The following DNMT1 variants were observed in gnomAD, a reference collection of about 807,000 sequenced individuals.
The protein encoded by DNMT1 is DNA methyltransferase 1, also known as DNA (cytosine-5)-methyltransferase 1.
In DNMT1, 24 loss-of-function variants were observed where a neutral mutation model predicts 205.3. The ratio of observed to expected loss-of-function variants is 0.12; its 90% CI spans 0.08 to 0.16. The LOEUF (loss-of-function observed/expected upper bound fraction) is 0.16. DNMT1 is among the 10% of genes least tolerant of loss of function. DNMT1 has a pLI of 1.00. For missense variants in DNMT1, 1,293 were observed against 2,177.7 expected, an observed-to-expected ratio of 0.59 and a Z score of 8.09; for synonymous variants, 817 against 839.8, an observed-to-expected ratio of 0.97 and a Z score of 0.47.
Position 10,183,125 on chromosome 19 carries a change from AT to A in DNMT1, c.81-1049del, listed in dbSNP as rs201154797. Reference sequence around the variant, plus strand: ...TATATACGTGTGTATATATATATATATTTTTTTTTTTTGAGATAGGGTTTTG... The same window carrying A: ...TATATACGTGTGTATATATATATATATTTTTTTTTTTGAGATAGGGTTTTG... On this transcript the variant is annotated intron_variant, in intron 1 of 40. Coordinates refer to ENST00000359526, the MANE Select transcript of DNMT1 (RefSeq NM_001130823.3). 8.0e-3 allele frequency among the ~76,000 whole-genome samples: 942 copies of A among 117,234 alleles called. 10 individuals are homozygous for A. The highest frequency in any genetic ancestry group is 0.026 in the African/African-American group (768 of 29,494). The allele number at this position is 117,234 out of a possible 152,430, so 76.9% of individuals were successfully genotyped here. A position where few individuals can be genotyped will look rare whatever the true frequency, so the allele number is the denominator to read the frequency against.
chr19:10,137,464 AG>A lies in DNMT1; in HGVS notation c.4294-185del, dbSNP rs1249870988. The stretch of plus-strand genomic sequence containing the variant: ...CCACGGCAGGGACCTGAGGCAGCGC[AG>A]GTGTAGGAGAGCGTGGGAATCTAAG... On this transcript the variant is annotated intron_variant, in intron 36 of 40. Coordinates refer to ENST00000359526, the MANE Select transcript of DNMT1 (RefSeq NM_001130823.3). The surrounding 1 kb of genome is among the most constrained non-coding windows in gnomAD (Gnocchi z 6.4). 1 of 720,524 alleles carries A rather than the reference AG, an allele frequency of 1.4e-6. No individual in the cohort carries two copies. The highest frequency in any genetic ancestry group is 2.3e-6 in the Non-Finnish European group (1 of 438,832). The allele number at this position is 720,524 out of a possible 1,614,324, so 44.6% of individuals were successfully genotyped here. A position where few individuals can be genotyped will look rare whatever the true frequency, so the allele number is the denominator to read the frequency against.
At chr19:10,191,456 T>A (rs538895092) in intron 1 of DNMT1, among the ~76,000 whole-genome samples, 1 of 151,372 alleles carries the variant, frequency 6.6e-6, no homozygotes, top group Non-Finnish European at 1.5e-5. Flanking sequence ...AAAACTCCAA[T>A]GCCTACAGTG....
chr19:10,151,617 A>C lies in DNMT1; in HGVS notation c.2118-72T>G, dbSNP rs1476659195. On this transcript the variant is annotated intron_variant, in intron 23 of 40. Coordinates refer to ENST00000359526, the MANE Select transcript of DNMT1 (RefSeq NM_001130823.3). The surrounding 1 kb of genome is among the most constrained non-coding windows in gnomAD (Gnocchi z 5.0). ...CAACCGGGGCTGTTTTCTTCATAAC[A>C]GGGACAGGTCCTGAGACAATGCCTA... The C allele has an allele frequency of 2.5e-6, 4 of 1,611,122 alleles. No homozygotes were observed. The highest frequency in any genetic ancestry group is 2.5e-6 in the Non-Finnish European group (3 of 1,179,316).
chr19:10,140,516 C>G lies in DNMT1; in HGVS notation c.3524-188G>C. The G allele has an allele frequency of 1.1e-6, 1 of 926,256 alleles. No homozygotes were observed. Among genetic ancestry groups the G allele is most frequent in the African/African-American group, 1.7e-5 (1 of 60,372 alleles). The allele number at this position is 926,256 out of a possible 1,614,324, so 57.4% of individuals were successfully genotyped here. A position where few individuals can be genotyped will look rare whatever the true frequency, so the allele number is the denominator to read the frequency against. Reference sequence around the variant, plus strand: ...TCCTGAGTAGCTGGGACTACAGGCACACACCACCACGCCCAGCTAATTTTT... The same window carrying G: ...TCCTGAGTAGCTGGGACTACAGGCAGACACCACCACGCCCAGCTAATTTTT... On this transcript the variant is annotated intron_variant, in intron 32 of 40. Transcript: ENST00000359526. This position sits in a 1 kb window ranked among gnomAD's most constrained non-coding sequence, Gnocchi z 8.4.
At position 10,140,155 on chromosome 19, in the gene DNMT1, C is replaced by T; in HGVS notation, c.3697G>A (p.Val1233Met). Reference sequence around the variant, plus strand: ...GGCGGCCCGCCGCACAGCATCTCCACGTCTCCCTTCTGGGGCAGCCGCTGG... The same window carrying T: ...GGCGGCCCGCCGCACAGCATCTCCATGTCTCCCTTCTGGGGCAGCCGCTGG... ...RGQRLPQKGD[V>M]EMLCGGPPCQ... is the part of the protein sequence containing the mutation. Residue 1233 changes from valine to methionine, a missense_variant, in exon 33 of 41, where the codon GTG (valine) becomes ATG (methionine). Physicochemically the swap from Val to Met is conservative, Grantham distance 21 (BLOSUM62 1). This residue lies in a region of DNMT1 where 24 missense variants were observed against 27.2 expected (regional missense o/e 0.88). Transcript: ENST00000359526. This position sits in a 1 kb window ranked among gnomAD's most constrained non-coding sequence, Gnocchi z 8.4. The T allele has an allele frequency of 1.2e-6, 2 of 1,613,918 alleles. No individual in the cohort carries two copies. Among genetic ancestry groups the T allele is most frequent in the Non-Finnish European group, 1.7e-6 (2 of 1,180,026 alleles).
intron 11 of DNMT1, among the ~76,000 whole-genome samples, chr19:10,164,173 T>C (rs1299829633): frequency 6.6e-6 from 1 of 151,910 alleles, no homozygotes; most frequent in East Asian, 1.9e-4. Flanking sequence ...GAGAGAGAGA[T>C]TGATTCACTC....
chr19:10,189,701 G>A (rs1024214954), intron 1 of DNMT1, among the ~76,000 whole-genome samples: 1 of 152,032 alleles, frequency 6.6e-6, no homozygotes, highest in Non-Finnish European at 1.5e-5. Flanking sequence ...TTACAGGCAT[G>A]AGCCACTGCA....
intron 8 of DNMT1, 36 bp from the exon 9 acceptor site, chr19:10,173,210 TGCC>T: frequency 6.2e-7 from 1 of 1,608,172 alleles, no homozygotes. Context: ...CAAGTGTGAG[TGCC>T]AGGAGCTTCC....
chr19:10,188,264 G>A (rs1212030582), intron 1 of DNMT1, among the ~76,000 whole-genome samples: 1 of 152,188 alleles, frequency 6.6e-6, no homozygotes, highest in Non-Finnish European at 1.5e-5. Flanking sequence ...GACCCACTGG[G>A]CACAGTGGCT....
Position 10,146,545 on chromosome 19 carries a change from GAA to G in DNMT1, c.2721-23_2721-22del. ...AGAATCTGAAGGAAACAAAGGGACA[GAA>G]ACATAAGGCCCTGAGGTGGCCGGCA... On this transcript the variant is annotated intron_variant, in intron 27 of 40. Transcript: ENST00000359526. The surrounding 1 kb of genome is among the most constrained non-coding windows in gnomAD (Gnocchi z 4.4). 6.2e-7 allele frequency: 1 copy of G among 1,613,734 alleles called. No individual in the cohort carries two copies.
intron 30 of DNMT1, chr19:10,141,585 G>A (rs540856209): frequency 4.3e-5 from 15 of 345,736 alleles, no homozygotes; most frequent in Non-Finnish European, 7.7e-5. Flanking sequence ...CAGCTGACTC[G>A]TGGGCCCTCT....
chr19:10,150,669 C>G (rs2038321168), intron 24 of DNMT1, among the ~76,000 whole-genome samples: 2 of 152,244 alleles, frequency 1.3e-5, no homozygotes, highest in Admixed American at 6.5e-5. Context: ...TCACTCCTCT[C>G]TCTCACACTG....
At chr19:10,172,405 C>CA (rs34495234) in intron 9 of DNMT1, among the ~76,000 whole-genome samples, 14,124 of 75,936 alleles carry the variant, frequency 0.19, 1,284 homozygotes, top group East Asian at 0.47. Context: ...GACTCCATCT[C>CA]AAAAAAAAAA....
chr19:10,144,266 G>A, intron 28 of DNMT1: 1 of 401,612 alleles, frequency 2.5e-6, no homozygotes, highest in Non-Finnish European at 4.8e-6. Context: ...AAATTAGCCG[G>A]GTGTGGTGGT....
At chr19:10,139,903 G>A (rs2089567549) in intron 33 of DNMT1, 86 bp from the exon 34 acceptor site, 1 of 1,568,298 alleles carries the variant, frequency 6.4e-7, no homozygotes, top group Non-Finnish European at 8.6e-7. Flanking sequence ...CCTCACGAAT[G>A]TTATCAAAGT....
chr19:10,138,564 G>T lies in DNMT1; in HGVS notation c.3990C>A (p.Ile1330=). 1 of 1,609,656 alleles carries T rather than the reference G, an allele frequency of 6.2e-7. No homozygotes were observed. Residue 1330 remains isoleucine (I), a synonymous_variant, in exon 35 of 41, where the codon ATC becomes ATA. Transcript: ENST00000359526. The surrounding 1 kb of genome is among the most constrained non-coding windows in gnomAD (Gnocchi z 4.1). The stretch of plus-strand genomic sequence containing the variant: ...TCTCTCCAGGGGCCGCGGCCAGGAT[G>T]ATGGCCCGCCTCCTAGTCTGGGCCA... ...YGVAQTRRRA[I]ILAAAPGEKL...
chr19:10,141,412 T>C, intron 30 of DNMT1: 2 of 559,682 alleles, frequency 3.6e-6, no homozygotes, highest in African/African-American at 1.9e-5. Flanking sequence ...AAATGCCTAT[T>C]ACAAGCACTT....
At position 10,182,589 on chromosome 19, in the gene DNMT1, AGTAT is replaced by A. The variant is rs547114966; in HGVS notation, c.81-516_81-513del. 1.4e-3 allele frequency among the ~76,000 whole-genome samples: 218 copies of A among 150,776 alleles called. 1 individual carries two copies. Among genetic ancestry groups the A allele is most frequent in the African/African-American group, 5.0e-3 (207 of 41,116 alleles). On this transcript the variant is annotated intron_variant, in intron 1 of 40. Transcript: ENST00000359526. Reference sequence around the variant, plus strand: ...CACACACACAGCAGCTCTGTAACAGAGTATGTGTGTATATATGTATGTATATATG... The same window carrying A: ...CACACACACAGCAGCTCTGTAACAGAGTGTGTATATATGTATGTATATATG...
rs369564017 is a variant in DNMT1 at position 10,143,758 on chromosome 19, C to T, written c.3116+8G>A. The T allele has an allele frequency of 3.7e-6, 6 of 1,614,006 alleles. No homozygotes were observed. In the African/African-American group the frequency reaches 6.7e-5, roughly 18 times the overall value. ...TGGCCTCGTGGAAGAACAGAGGCCT[C>T]TGCTGACCTGTAGAACTTGTTGACC... is the stretch of plus-strand genomic sequence containing the variant. On this transcript the variant is annotated splice_region_variant and intron_variant, in intron 29 of 40. Coordinates refer to ENST00000359526, the MANE Select transcript of DNMT1 (RefSeq NM_001130823.3).
Sources: gnomAD v4.1 joint callset for allele counts (sites outside exome capture counted in the v4.1 genomes callset) on GRCh38, gnomAD v4.1.1 for gene constraint, gnomAD v4.1.1 regional missense constraint, Gnocchi (gnomAD v3.1) non-coding constraint, MANE v1.5 for transcripts, NCBI Gene and HGNC (gene_info 2026-07-23, HGNC 2026-07-21) for gene names.